The following ADGRA2 variants were observed in gnomAD, a reference collection of about 807,000 sequenced individuals.
The protein encoded by ADGRA2 is G-protein coupled receptor 124.
Under a neutral mutation model 98.7 loss-of-function variants are expected in ADGRA2, and 61 were observed. The ratio of observed to expected loss-of-function variants is 0.62; its 90% CI spans 0.50 to 0.76. The LOEUF (loss-of-function observed/expected upper bound fraction) is 0.76, where lower values mean the gene tolerates loss of function less well. Among genes scored for constraint, ADGRA2 ranks in the 30% least tolerant of loss-of-function variants. The probability of loss-of-function intolerance (pLI) is 0.00; values close to 1 mark genes in which losing one functional copy is unlikely to be tolerated. For missense variants in ADGRA2, 1,712 were observed against 1,860.0 expected (o/e 0.92, Z 1.46); for synonymous variants, 858 against 831.5 (o/e 1.03, Z -0.55).
At chr8:37,835,424 G>T (rs1277822647) in intron 12 of ADGRA2, 26 bp downstream of exon 12, 30 of 1,587,986 alleles carry the variant, frequency 1.9e-5, no homozygotes, top group Non-Finnish European at 2.5e-5. Flanking sequence ...GGGAGAGGGG[G>T]TGGGAGAAGG....
chr8:37,836,472 A>T (rs909969541), intron 13 of ADGRA2, among the ~76,000 whole-genome samples: 6 of 151,910 alleles, frequency 3.9e-5, no homozygotes, highest in African/African-American at 1.5e-4. Context: ...CGAGTGTCTG[A>T]CTCGCCACCC....
rs758221849 is a variant in ADGRA2 at position 37,840,857 on chromosome 8, C to A, written c.2747+8C>A. 4 of 817,878 alleles carry A rather than the reference C, an allele frequency of 4.9e-6. No homozygotes were observed. Among genetic ancestry groups the A allele is most frequent in the African/African-American group, 1.8e-5 (1 of 56,342 alleles). The allele number at this position is 817,878 out of a possible 1,614,324, so 50.7% of individuals were successfully genotyped here. A position where few individuals can be genotyped will look rare whatever the true frequency, so the allele number is the denominator to read the frequency against. On this transcript the variant is annotated splice_region_variant and intron_variant, in intron 18 of 18. Coordinates refer to ENST00000412232, the MANE Select transcript of ADGRA2 (RefSeq NM_032777.10). ...CCGGGACCACAGCCCCTAGTGAGCA[C>A]CCCTCCCTCCCGCCCCAAGCCTACC...
chr8:37,839,774 G>A (rs1805734995), intron 16 of ADGRA2, 152 bp downstream of exon 16: 1 of 969,262 alleles, frequency 1.0e-6, no homozygotes, highest in South Asian at 1.6e-5. Flanking sequence ...GGCAGGGATG[G>A]TGGGTCGTGG....
chr8:37,806,394 C>T (rs1382545888), intron 1 of ADGRA2, among the ~76,000 whole-genome samples: 1 of 152,146 alleles, frequency 6.6e-6, no homozygotes, highest in Non-Finnish European at 1.5e-5. Context: ...ACCCCCAAAT[C>T]CCCATCAAGG....
chr8:37,826,400 G>A (rs968543015), intron 2 of ADGRA2, among the ~76,000 whole-genome samples: 9 of 152,124 alleles, frequency 5.9e-5, no homozygotes, highest in East Asian at 1.9e-4. Context: ...CCTCTCCCTC[G>A]GCCAGGGGCC....
intron 15 of ADGRA2, 98 bp from the exon 16 acceptor site, chr8:37,839,401 A>G: frequency 1.9e-6 from 3 of 1,542,908 alleles, no homozygotes; most frequent in Non-Finnish European, 2.6e-6. Context: ...ACACACGCAG[A>G]TATGTGCCTG....
chr8:37,831,692 T>A, intron 8 of ADGRA2, 105 bp downstream of exon 8: 3 of 963,640 alleles, frequency 3.1e-6, no homozygotes, highest in Non-Finnish European at 1.6e-6. Flanking sequence ...CTCTGTTGGG[T>A]CCTAAAGATG....
rs770543480 is a variant in ADGRA2, at chr8:37,841,849, C to T, written c.3511C>T (p.Arg1171Cys). 3 of 1,532,696 alleles carry T rather than the reference C, an allele frequency of 2.0e-6. No homozygotes were observed. The highest frequency in any genetic ancestry group is 1.2e-5 in the South Asian group (1 of 83,870). The allele number at this position is 1,532,696 out of a possible 1,614,324, so 94.9% of individuals were successfully genotyped here. The change falls in exon 19 of 19, where the codon CGC (arginine) becomes TGC (cysteine). Residue 1171 changes from arginine to cysteine, a missense_variant. By Grantham distance (180) the Arg-to-Cys change is radical. Coordinates refer to ENST00000412232, the MANE Select transcript of ADGRA2 (RefSeq NM_032777.10). The surrounding 1 kb of genome is among the most constrained non-coding windows in gnomAD (Gnocchi z 5.0). ...GGGCACCCGGGGAAACCTCGCCCAC[C>T]GCCACCCCAACAACGTGCACCACGG... ...PAGTRGNLAHRHPNNVHHGRR... is the reference protein window; with the variant it reads ...PAGTRGNLAHCHPNNVHHGRR...
At position 37,841,763 on chromosome 8, in the gene ADGRA2, C is replaced by T; in HGVS notation, c.3425C>T (p.Ala1142Val). 6.5e-7 allele frequency: 1 copy of T among 1,539,392 alleles called. No individual in the cohort carries two copies. The highest frequency in any genetic ancestry group is 8.7e-7 in the Non-Finnish European group (1 of 1,144,614). Residue 1142 changes from alanine (A) to valine (V), a missense_variant, in exon 19 of 19, where the codon GCC (alanine) becomes GTC (valine). Coordinates refer to ENST00000412232, the MANE Select transcript of ADGRA2 (RefSeq NM_032777.10). The surrounding 1 kb of genome is among the most constrained non-coding windows in gnomAD (Gnocchi z 5.0). Reference sequence around the variant, plus strand: ...TGCAAGCTCACCAACCTGCAGCTGGCCCAGAGTCAGGTGTGCGAGGCGGGG... The same window carrying T: ...TGCAAGCTCACCAACCTGCAGCTGGTCCAGAGTCAGGTGTGCGAGGCGGGG... The part of the protein sequence containing the change: ...GPCKLTNLQL[A>V]QSQVCEAGAA...
chr8:37,842,524 G>C lies in ADGRA2; in HGVS notation c.*169G>C. ...CTTGCCTAGAGGGCATCCCTCTGGG[G>C]TAGCGACAGACAATCCCAGAAACAC... On this transcript the variant is annotated 3_prime_UTR_variant, in exon 19 of 19. Coordinates refer to ENST00000412232, the MANE Select transcript of ADGRA2 (RefSeq NM_032777.10). 8.8e-7 allele frequency: 1 copy of C among 1,137,358 alleles called. No homozygotes were observed. Among genetic ancestry groups the C allele is most frequent in the Non-Finnish European group, 1.2e-6 (1 of 861,518 alleles). 70.5% of individuals were successfully genotyped at this position (1,137,358 alleles called of 1,614,324 possible).
chr8:37,840,766 T>C lies in ADGRA2; in HGVS notation c.2664T>C (p.Tyr888=). 1 of 1,585,872 alleles carries C rather than the reference T, an allele frequency of 6.3e-7. No homozygotes were observed. ...AATCCCTCATTCCCTCCAGGTTCTA[T>C]TTGATCGCTGGAGGGATTCCACTCA... ...LPTPSPMLRF[Y]LIAGGIPLII... is the part of the protein sequence containing the mutation. The change falls in exon 18 of 19, where the codon TAT becomes TAC. Residue 888 remains tyrosine (Y), a synonymous_variant. Coordinates refer to ENST00000412232, the MANE Select transcript of ADGRA2 (RefSeq NM_032777.10).
Position 37,842,453 on chromosome 8 carries a change from C to A in ADGRA2, c.*98C>A. ...GTCTCCGTAGTCAGCAGGTTGGAGG[C>A]AGAGGAGCCGATGGCTGGAGGAAGC... On this transcript the variant is annotated 3_prime_UTR_variant, in exon 19 of 19. Transcript: ENST00000412232. The A allele has an allele frequency of 2.2e-6, 3 of 1,374,400 alleles. No individual in the cohort carries two copies. Among genetic ancestry groups the A allele is most frequent in the South Asian group, 1.8e-5 (1 of 55,686 alleles). The allele number at this position is 1,374,400 out of a possible 1,614,324, so 85.1% of individuals were successfully genotyped here. A position where few individuals can be genotyped will look rare whatever the true frequency, so the allele number is the denominator to read the frequency against.
chr8:37,844,537 C>A lies in ADGRA2; in HGVS notation c.*2182C>A, dbSNP rs370007744. On this transcript the variant is annotated 3_prime_UTR_variant, in exon 19 of 19. Transcript: ENST00000412232. ...GTGGCAGCCTGTCTAGCAGCCTGGG[C>A]TCTCTGAAAGTCCCTAACTTCCTGA... is the stretch of plus-strand genomic sequence containing the variant. 7 of 1,613,672 alleles carry A rather than the reference C, an allele frequency of 4.3e-6. No homozygotes were observed. Among genetic ancestry groups the A allele is most frequent in the Non-Finnish European group, 5.9e-6 (7 of 1,180,032 alleles).
At position 37,797,650 on chromosome 8, in the gene ADGRA2, G is replaced by A; in HGVS notation, c.266+116G>A. 1 of 1,061,520 alleles carries A rather than the reference G, an allele frequency of 9.4e-7. No homozygotes were observed. The highest frequency in any genetic ancestry group is 1.2e-6 in the Non-Finnish European group (1 of 814,268). The allele number at this position is 1,061,520 out of a possible 1,614,324, so 65.8% of individuals were successfully genotyped here. On this transcript the variant is annotated intron_variant, in intron 1 of 18. Transcript: ENST00000412232. This position sits in a 1 kb window ranked among gnomAD's most constrained non-coding sequence, Gnocchi z 5.3. ...TATCCCCCCACTTCAGAGATTTCTGGACAGGCCTGGGTTCAGGCCCCCAGA... is the reference window on the plus strand; with the variant it reads ...TATCCCCCCACTTCAGAGATTTCTGAACAGGCCTGGGTTCAGGCCCCCAGA...
chr8:37,828,532 G>C (rs1200432019), intron 2 of ADGRA2, among the ~76,000 whole-genome samples: 1 of 147,196 alleles, frequency 6.8e-6, no homozygotes, highest in African/African-American at 2.5e-5. Flanking sequence ...TGTCGCCCAG[G>C]CTGGAGTGCA....
chr8:37,806,081 G>A (rs556346203), intron 1 of ADGRA2, among the ~76,000 whole-genome samples: 1 of 152,072 alleles, frequency 6.6e-6, no homozygotes, highest in Non-Finnish European at 1.5e-5. Context: ...GTGCATGGAG[G>A]AAATGTTTAA....
In ADGRA2 at chr8:37,834,659, C is replaced by T. The variant is rs974743976; in HGVS notation, c.1609-515C>T. On this transcript the variant is annotated intron_variant, in intron 11 of 18. Coordinates refer to ENST00000412232, the MANE Select transcript of ADGRA2 (RefSeq NM_032777.10). This position sits in a 1 kb window ranked among gnomAD's most constrained non-coding sequence, Gnocchi z 4.2. ...CTGTAATCCCAGCACGTTGGGAGGCCGATACAGGAGGATCTCCCAAGGCCA... is the reference window on the plus strand; with the variant it reads ...CTGTAATCCCAGCACGTTGGGAGGCTGATACAGGAGGATCTCCCAAGGCCA... Among the ~76,000 whole-genome samples, 1 of 152,024 alleles carries T rather than the reference C, an allele frequency of 6.6e-6. No homozygotes were observed. Among genetic ancestry groups the T allele is most frequent in the African/African-American group, 2.4e-5 (1 of 41,378 alleles).
Position 37,834,575 on chromosome 8 carries a change from C to T in ADGRA2, c.1608+447C>T, listed in dbSNP as rs1481855108. On this transcript the variant is annotated intron_variant, in intron 11 of 18. Transcript: ENST00000412232. This position sits in a 1 kb window ranked among gnomAD's most constrained non-coding sequence, Gnocchi z 4.2. ...CGATGCAAAGGGGTGAGACATGGAG[C>T]CTGCTCTACAGCTGAGTCGGGCAAC... 1.3e-5 allele frequency among the ~76,000 whole-genome samples: 2 copies of T among 152,160 alleles called. No homozygotes were observed. Among genetic ancestry groups the T allele is most frequent in the African/African-American group, 4.8e-5 (2 of 41,432 alleles).
At chr8:37,833,900 C>T in intron 10 of ADGRA2, 63 bp downstream of exon 10, 1 of 1,606,390 alleles carries the variant, frequency 6.2e-7, no homozygotes. Context: ...GCTCAAGCCT[C>T]TCTCTCACTC....
Sources: gnomAD v4.1 joint callset for allele counts (sites outside exome capture counted in the v4.1 genomes callset) on GRCh38, gnomAD v4.1.1 for gene constraint, Gnocchi (gnomAD v3.1) non-coding constraint, MANE v1.5 for transcripts, NCBI Gene and HGNC (gene_info 2026-07-23, HGNC 2026-07-21) for gene names.